The following FAM227A variants were observed in gnomAD, a reference collection of about 807,000 sequenced individuals.
FAM227A encodes protein FAM227A.
In FAM227A, 80 loss-of-function variants were observed where a neutral mutation model predicts 74.7. The ratio of observed to expected loss-of-function variants is 1.07; its 90% CI spans 0.89 to 1.29. FAM227A has a LOEUF of 1.29. Ranked by LOEUF, FAM227A falls within the 50% of genes most tolerant of loss-of-function variation. The pLI, the probability that FAM227A is intolerant of heterozygous loss-of-function variation, is 0.00. For synonymous variants in FAM227A, 237 were observed against 241.8 expected (o/e 0.98, Z 0.19); for missense variants, 654 against 683.4 (o/e 0.96, Z 0.48).
Position 38,636,393 on chromosome 22 carries a change from A to G in FAM227A, c.519+58T>C, listed in dbSNP as rs932401639. On this transcript the variant is annotated intron_variant, in intron 6 of 16. Transcript: ENST00000535113. The stretch of plus-strand genomic sequence containing the variant: ...GTTTCTCCTGGGGTGTGAAAGGGTG[A>G]CAGCTGCATTTGCCCCATGGGTTGG... The G allele has an allele frequency of 2.1e-5, 32 of 1,525,120 alleles. No homozygotes were observed. In the African/African-American group the frequency reaches 3.9e-4, roughly 18 times the overall value. The allele number at this position is 1,525,120 out of a possible 1,614,324, so 94.5% of individuals were successfully genotyped here.
chr22:38,629,921 C>G (rs1284742900), intron 6 of FAM227A, among the ~76,000 whole-genome samples: 21 of 137,814 alleles, frequency 1.5e-4, no homozygotes, highest in Non-Finnish European at 3.0e-4. Flanking sequence ...CGTGCCTCTT[C>G]TTTACCATCC....
chr22:38,639,538 CAGA>C (rs1270089766), intron 4 of FAM227A, 114 bp downstream of exon 4: 20 of 1,014,960 alleles, frequency 2.0e-5, no homozygotes, highest in Admixed American at 8.0e-5. Context: ...AAGGCTCCTT[CAGA>C]AGAAGACAGA....
At chr22:38,639,855 G>T in intron 3 of FAM227A, 131 bp from the exon 4 acceptor site, 1 of 682,744 alleles carries the variant, frequency 1.5e-6, no homozygotes, top group Non-Finnish European at 2.6e-6. Flanking sequence ...ACAGTGCCTT[G>T]TCTTTCCAGG....
Position 38,628,224 on chromosome 22 carries a change from T to C in FAM227A, c.726+14A>G, listed in dbSNP as rs769078784. ...CTAATGTGACTTTTTTTCTAGATAG[T>C]GGCTGATGCTCACTTTTAAGAGCGC... is the stretch of plus-strand genomic sequence containing the variant. On this transcript the variant is annotated intron_variant, in intron 8 of 16. Transcript: ENST00000535113. 33 of 1,459,312 alleles carry C rather than the reference T, an allele frequency of 2.3e-5. No homozygotes were observed. Among genetic ancestry groups the C allele is most frequent in the South Asian group, 2.1e-4 (17 of 81,488 alleles). The allele number at this position is 1,459,312 out of a possible 1,614,324, so 90.4% of individuals were successfully genotyped here.
intron 1 of FAM227A, among the ~76,000 whole-genome samples, chr22:38,655,133 C>CT: frequency 6.7e-6 from 1 of 149,540 alleles, no homozygotes; most frequent in East Asian, 2.0e-4. Flanking sequence ...GAGCGAGACT[C>CT]TGTCTCGAAA....
At chr22:38,620,117 CAACT>C in intron 11 of FAM227A, 91 bp downstream of exon 11, 1 of 836,596 alleles carries the variant, frequency 1.2e-6, no homozygotes, top group East Asian at 2.7e-5. Flanking sequence ...CAGAGATGTG[CAACT>C]AACCGGAGGC....
In FAM227A at chr22:38,650,952, G is replaced by A. The variant is rs193106745; in HGVS notation, c.-94-690C>T. 2.6e-5 allele frequency among the ~76,000 whole-genome samples: 4 copies of A among 152,104 alleles called. 1 individual carries two copies. In the South Asian group the frequency reaches 6.2e-4, roughly 24 times the overall value. ...TGCCCTCTAGAAGCTCATACATAAC[G>A]GAAGGACAGAGAAAACGTTGAGTTT... On this transcript the variant is annotated intron_variant, in intron 1 of 16. Coordinates refer to ENST00000535113, the MANE Select transcript of FAM227A (RefSeq NM_001013647.2).
chr22:38,582,132 A>G lies in FAM227A; in HGVS notation c.*3993T>C. On this transcript the variant is annotated 3_prime_UTR_variant, in exon 17 of 17. Transcript: ENST00000535113. ...AGTGTATTTAGGTGTGTATACACCC[A>G]TGAGCCATTCACCACAATCAAGATA... is the stretch of plus-strand genomic sequence containing the variant. 1.7e-6 allele frequency: 1 copy of G among 584,464 alleles called. No homozygotes were observed. Among genetic ancestry groups the G allele is most frequent in the Non-Finnish European group, 3.0e-6 (1 of 329,066 alleles). 36.2% of individuals were successfully genotyped at this position (584,464 alleles called of 1,614,324 possible). A position where few individuals can be genotyped will look rare whatever the true frequency, so the allele number is the denominator to read the frequency against.
chr22:38,641,976 C>CGA (rs1223244788), intron 3 of FAM227A, among the ~76,000 whole-genome samples: 1 of 123,060 alleles, frequency 8.1e-6, no homozygotes, highest in Admixed American at 8.3e-5. Context: ...TGTGTGTGTG[C>CGA]GCACGTGTGT....
chr22:38,582,314 C>A lies in FAM227A; in HGVS notation c.*3811G>T. ...CATCAATTCATAAGCAATTCAAAAT[C>A]AGGACTATAGGATTTTAACTTCATC... is the stretch of plus-strand genomic sequence containing the variant. On this transcript the variant is annotated 3_prime_UTR_variant, in exon 17 of 17. Transcript: ENST00000535113. 6.5e-7 allele frequency: 1 copy of A among 1,540,322 alleles called. No individual in the cohort carries two copies. The highest frequency in any genetic ancestry group is 8.8e-7 in the Non-Finnish European group (1 of 1,139,020).
intron 16 of FAM227A, among the ~76,000 whole-genome samples, chr22:38,587,933 A>G (rs1292439716): frequency 6.6e-6 from 1 of 152,240 alleles, no homozygotes; most frequent in East Asian, 1.9e-4. Flanking sequence ...ATAGAGCACA[A>G]TAAAAGAATG....
chr22:38,641,611 C>A (rs1364026404), intron 3 of FAM227A, among the ~76,000 whole-genome samples: 1 of 151,360 alleles, frequency 6.6e-6, no homozygotes, highest in African/African-American at 2.4e-5. Context: ...TTGCCTGCAG[C>A]TCACAGGATC....
At chr22:38,626,327 C>T in intron 8 of FAM227A, 24 bp from the exon 9 acceptor site, 1 of 1,542,500 alleles carries the variant, frequency 6.5e-7, no homozygotes, top group Non-Finnish European at 8.7e-7. Flanking sequence ...CGAGCTCAGG[C>T]AACGTTCTCA....
chr22:38,620,396 C>A, intron 10 of FAM227A, 105 bp from the exon 11 acceptor site: 1 of 856,954 alleles, frequency 1.2e-6, no homozygotes. Context: ...GTGACACCCA[C>A]CAGATCTAGG....
At chr22:38,614,314 ATATT>A (rs955244168) in intron 11 of FAM227A, among the ~76,000 whole-genome samples, 59 of 152,264 alleles carry the variant, frequency 3.9e-4, no homozygotes, top group African/African-American at 1.4e-3. Flanking sequence ...ATCTTTAAAA[ATATT>A]TATTAAATGA....
At position 38,583,738 on chromosome 22, in the gene FAM227A, C is replaced by T. The variant is rs2090750933; in HGVS notation, c.*2387G>A. 1 of 152,296 alleles carries T rather than the reference C, an allele frequency of 6.6e-6. No individual in the cohort carries two copies. The highest frequency in any genetic ancestry group is 2.4e-5 in the African/African-American group (1 of 41,442). The allele number at this position is 152,296 out of a possible 1,614,324, so 9.4% of individuals were successfully genotyped here. ...AAATTTTCTCATGCCAAAGCCTAAG[C>T]TCCTTCTCTCTTACCTTTCCTTCAT... On this transcript the variant is annotated 3_prime_UTR_variant, in exon 17 of 17. Transcript: ENST00000535113.
intron 11 of FAM227A, among the ~76,000 whole-genome samples, chr22:38,610,129 C>T (rs1269962214): frequency 6.6e-6 from 1 of 152,082 alleles, no homozygotes; most frequent in Non-Finnish European, 1.5e-5. Context: ...GGCTGGAGTG[C>T]AGTGGTGCAA....
intron 15 of FAM227A, among the ~76,000 whole-genome samples, chr22:38,594,102 A>G (rs995731726): frequency 1.3e-5 from 2 of 152,158 alleles, no homozygotes; most frequent in African/African-American, 4.8e-5. Context: ...ACAGGGACTT[A>G]CATCTTCCCC....
At chr22:38,608,493 C>T (rs550468577) in intron 11 of FAM227A, among the ~76,000 whole-genome samples, 2 of 151,898 alleles carry the variant, frequency 1.3e-5, no homozygotes, top group African/African-American at 2.4e-5. Flanking sequence ...TGCAATGGCA[C>T]GATCTCGGCT....
Sources: gnomAD v4.1 joint callset for allele counts (sites outside exome capture counted in the v4.1 genomes callset) on GRCh38, gnomAD v4.1.1 for gene constraint, MANE v1.5 for transcripts, NCBI Gene and HGNC (gene_info 2026-07-23, HGNC 2026-07-21) for gene names.